The following ANKRD36C variants were observed in gnomAD, a reference collection of about 807,000 sequenced individuals.
The protein encoded by ANKRD36C is ankyrin repeat domain 36C.
A neutral mutation model predicts 276.4 loss-of-function variants in ANKRD36C; 61 were observed. The observed-to-expected ratio is 0.22, with a 90% confidence interval of 0.18 to 0.27. The LOEUF is 0.27. Among genes scored for constraint, ANKRD36C ranks in the 10% least tolerant of loss-of-function variants. The probability of loss-of-function intolerance (pLI) is 1.00; values close to 1 mark genes in which losing one functional copy is unlikely to be tolerated. For missense variants in ANKRD36C, 1,447 were observed against 2,032.3 expected (o/e 0.71, Z 5.54); for synonymous variants, 483 against 680.1 (o/e 0.71, Z 4.51).
chr2:95,943,680 T>C (rs1476807350), intron 19 of ANKRD36C, among the ~76,000 whole-genome samples: 1 of 151,874 alleles, frequency 6.6e-6, no homozygotes, highest in Non-Finnish European at 1.5e-5. Flanking sequence ...TAAAAAACTT[T>C]TAACAAGAGT....
intron 6 of ANKRD36C, among the ~76,000 whole-genome samples, chr2:95,969,944 C>T (rs1275539352): frequency 1.3e-5 from 2 of 151,782 alleles, no homozygotes; most frequent in African/African-American, 4.8e-5. Flanking sequence ...AATTATTGTA[C>T]ACATAGAGTT....
intron 26 of ANKRD36C, 127 bp from the exon 27 acceptor site, chr2:95,927,536 C>G (rs1247614640): frequency 1.4e-5 from 20 of 1,456,970 alleles, no homozygotes; most frequent in Non-Finnish European, 1.6e-5. Flanking sequence ...ATGTTTTCTA[C>G]TTTTTGTCTG....
downstream of ANKRD36C, among the ~76,000 whole-genome samples, chr2:95,850,146 G>A (rs1280357342): frequency 6.6e-6 from 1 of 152,296 alleles, no homozygotes; most frequent in African/African-American, 2.4e-5. Flanking sequence ...TTTGCCCATA[G>A]TTGCACACTG....
chr2:95,862,974 A>T (rs1352027442), intron 60 of ANKRD36C, among the ~76,000 whole-genome samples: 1 of 151,664 alleles, frequency 6.6e-6, no homozygotes, highest in Non-Finnish European at 1.5e-5. Flanking sequence ...CGAGAAATCA[A>T]CTTCTGTTGT....
intron 42 of ANKRD36C, 27 bp from the exon 53 acceptor site, chr2:95,903,108 A>G (rs1676705673): frequency 6.4e-7 from 1 of 1,554,032 alleles, no homozygotes; most frequent in South Asian, 1.2e-5. Context: ...ATTCATAATC[A>G]CTCATATGTA....
At chr2:95,973,397 G>A (rs906772056) in intron 6 of ANKRD36C, among the ~76,000 whole-genome samples, 7 of 151,904 alleles carry the variant, frequency 4.6e-5, no homozygotes, top group African/African-American at 7.3e-5. Context: ...GGGCAACAGA[G>A]CGAGACTCAG....
At chr2:95,860,195 C>T in intron 60 of ANKRD36C, 121 bp from the exon 81 acceptor site, 1 of 766,366 alleles carries the variant, frequency 1.3e-6, no homozygotes, top group South Asian at 1.7e-5. Flanking sequence ...ATATTGAGTG[C>T]CTACAAAGTG....
chr2:95,950,114 A>G (rs1342560058), intron 16 of ANKRD36C, among the ~76,000 whole-genome samples: 1 of 152,290 alleles, frequency 6.6e-6, no homozygotes, highest in African/African-American at 2.4e-5. Flanking sequence ...TATATGCTAA[A>G]TATAGTTAAC....
At chr2:95,852,035 C>G in intron 65 of ANKRD36C, 91 bp downstream of exon 85, 2 of 1,369,576 alleles carry the variant, frequency 1.5e-6, no homozygotes, top group Non-Finnish European at 2.0e-6. Flanking sequence ...CAAAGACATA[C>G]TAATTATCAT....
At chr2:95,924,952 T>C (rs563743828) in intron 30 of ANKRD36C, among the ~76,000 whole-genome samples, 1 of 151,740 alleles carries the variant, frequency 6.6e-6, no homozygotes, top group Admixed American at 6.6e-5. Context: ...TCTCCAGTGT[T>C]TACAGGTTAT....
At chr2:95,859,222 T>G (rs1675502567) in intron 61 of ANKRD36C, among the ~76,000 whole-genome samples, 1 of 151,970 alleles carries the variant, frequency 6.6e-6, no homozygotes, top group Non-Finnish European at 1.5e-5. Context: ...TTAGTAGAGA[T>G]AGCATTTCAC....
In ANKRD36C at chr2:95,916,124, T is replaced by A. The variant is rs746049893; in HGVS notation, c.2376+19A>T. On this transcript the variant is annotated intron_variant, in intron 37 of 66. Transcript: ENST00000456556. ...GCTATACGTTTACTAGCTCACAATA[T>A]AAATGAGAGTTTCATTACCTTCAAG... 1.2e-6 allele frequency: 2 copies of A among 1,605,420 alleles called. No homozygotes were observed. The highest frequency in any genetic ancestry group is 2.7e-5 in the African/African-American group (2 of 74,604).
chr2:95,911,307 T>TACAAG (rs2104396735), intron 42 of ANKRD36C, among the ~76,000 whole-genome samples: 1 of 151,630 alleles, frequency 6.6e-6, no homozygotes, highest in East Asian at 2.0e-4. Context: ...AGTAAAATGC[T>TACAAG]ACAAGCATTA....
At chr2:95,943,147 T>A (rs1158556628) in intron 19 of ANKRD36C, among the ~76,000 whole-genome samples, 1 of 152,302 alleles carries the variant, frequency 6.6e-6, no homozygotes, top group East Asian at 1.9e-4. Flanking sequence ...AAAAATATAT[T>A]TTTTCTCATT....
chr2:95,872,393 G>A (rs1190732254), intron 59 of ANKRD36C, among the ~76,000 whole-genome samples: 3 of 151,412 alleles, frequency 2.0e-5, no homozygotes, highest in East Asian at 1.9e-4. Flanking sequence ...CATGGAAACT[G>A]AACAACCTGC....
intron 24 of ANKRD36C, among the ~76,000 whole-genome samples, chr2:95,934,496 A>G (rs757803214): frequency 2.6e-5 from 4 of 152,052 alleles, no homozygotes; most frequent in Non-Finnish European, 5.9e-5. Context: ...CAGCAAACTA[A>G]CACAGGAAAA....
chr2:95,983,156 C>T (rs2918838), intron 3 of ANKRD36C, among the ~76,000 whole-genome samples: 28 of 150,864 alleles, frequency 1.9e-4, no homozygotes, highest in Non-Finnish European at 3.0e-4. Flanking sequence ...GACATTGTCA[C>T]CTGAGATTCT....
rs1382398798 is a variant in ANKRD36C at position 95,871,743 on chromosome 2, T to C, written c.3541-4162A>G. ...TGGCAAATTGGATAAAGAGTCAAGA[T>C]CCATCAGTGTGCTGTATTCAGGAAA... On this transcript the variant is annotated intron_variant, in intron 59 of 66. Coordinates refer to ENST00000456556, the Ensembl canonical transcript of ANKRD36C. 7.2e-5 allele frequency among the ~76,000 whole-genome samples: 11 copies of C among 152,054 alleles called. 1 individual carries two copies. The highest frequency in any genetic ancestry group is 4.6e-4 in the Admixed American group (7 of 15,274).
chr2:95,849,964 C>T (rs1264191515), downstream of ANKRD36C, among the ~76,000 whole-genome samples: 1 of 151,944 alleles, frequency 6.6e-6, no homozygotes, highest in Non-Finnish European at 1.5e-5. Flanking sequence ...GGTTGGGGAC[C>T]CCTGCTATAG....
Sources: gnomAD v4.1 joint callset for allele counts (sites outside exome capture counted in the v4.1 genomes callset) on GRCh38, gnomAD v4.1.1 for gene constraint, MANE v1.5 for transcripts, NCBI Gene and HGNC (gene_info 2026-07-23, HGNC 2026-07-21) for gene names.